The following IGSF21 variants were observed in gnomAD, a reference collection of about 807,000 sequenced individuals.
The protein encoded by IGSF21 is immunoglobulin superfamily member 21.
IGSF21 carries 28 observed loss-of-function variants against 46.8 expected under a neutral mutation model. The ratio of observed to expected loss-of-function variants is 0.60; its 90% confidence interval spans 0.44 to 0.82. IGSF21 has a LOEUF of 0.82. Ranked by LOEUF, IGSF21 falls within the 40% of genes least tolerant of loss-of-function variation. The pLI, the probability that IGSF21 is intolerant of heterozygous loss-of-function variation, is 0.00. For synonymous variants in IGSF21, 284 were observed against 273.6 expected, an observed-to-expected ratio of 1.04 and a Z score of -0.38; for missense variants, 624 against 665.5, an observed-to-expected ratio of 0.94 and a Z score of 0.69.
intron 3 of IGSF21, among the ~76,000 whole-genome samples, chr1:18,315,454 T>C (rs1351452138): frequency 6.6e-6 from 1 of 152,240 alleles, no homozygotes; most frequent in Non-Finnish European, 1.5e-5. Flanking sequence ...CATGCTCATC[T>C]TGCTCACTGT....
chr1:18,231,531 A>G lies in IGSF21; in HGVS notation c.183+3521A>G, dbSNP rs114838858. Among the ~76,000 whole-genome samples, 618 of 152,330 alleles carry G rather than the reference A, an allele frequency of 4.1e-3. 2 individuals are homozygous for G. Among genetic ancestry groups the G allele is most frequent in the African/African-American group, 0.014 (565 of 41,570 alleles). On this transcript the variant is annotated intron_variant, in intron 2 of 9. Transcript: ENST00000251296. ...AAAACTATGAGAATAGACTCAAGGAAGTATGTGTAATCATAGCCCCTTGGT... is the reference window on the plus strand; with the variant it reads ...AAAACTATGAGAATAGACTCAAGGAGGTATGTGTAATCATAGCCCCTTGGT...
At chr1:18,166,330 G>C (rs1570288082) in intron 1 of IGSF21, among the ~76,000 whole-genome samples, 3 of 152,194 alleles carry the variant, frequency 2.0e-5, no homozygotes, top group East Asian at 1.9e-4. Flanking sequence ...TCTTTGCCTG[G>C]TTTCCCCTAA....
chr1:18,139,856 G>C (rs898222126), intron 1 of IGSF21, among the ~76,000 whole-genome samples: 5 of 152,240 alleles, frequency 3.3e-5, no homozygotes, highest in Non-Finnish European at 7.3e-5. Context: ...CAGGCCAGAA[G>C]TGCAGAGAGC....
At chr1:18,284,257 G>C (rs1414123107) in intron 2 of IGSF21, among the ~76,000 whole-genome samples, 2 of 152,296 alleles carry the variant, frequency 1.3e-5, no homozygotes, top group East Asian at 3.9e-4. Flanking sequence ...GAGTGGGTGG[G>C]ATGGCGGCAG....
intron 1 of IGSF21, among the ~76,000 whole-genome samples, chr1:18,161,974 T>C (rs575032214): frequency 6.6e-6 from 1 of 152,318 alleles, no homozygotes; most frequent in East Asian, 1.9e-4. Context: ...AGCAAACTTC[T>C]TAATATACAG....
At chr1:18,304,447 C>T (rs2085391679) in intron 3 of IGSF21, among the ~76,000 whole-genome samples, 1 of 152,200 alleles carries the variant, frequency 6.6e-6, no homozygotes, top group Non-Finnish European at 1.5e-5. Context: ...TCAGACATCA[C>T]CCAGGCCAAT....
intron 2 of IGSF21, among the ~76,000 whole-genome samples, chr1:18,283,515 G>A (rs1328680444): frequency 6.6e-6 from 1 of 152,144 alleles, no homozygotes; most frequent in Non-Finnish European, 1.5e-5. Flanking sequence ...GAGAACAGGT[G>A]GGCAGGGAGG....
At chr1:18,151,856 A>G (rs1326013924) in intron 1 of IGSF21, among the ~76,000 whole-genome samples, 2 of 152,192 alleles carry the variant, frequency 1.3e-5, no homozygotes, top group Non-Finnish European at 2.9e-5. Flanking sequence ...GGGTGACCGT[A>G]TAATTCATCT....
At chr1:18,359,663 A>G (rs1457534054) in intron 4 of IGSF21, among the ~76,000 whole-genome samples, 2 of 152,168 alleles carry the variant, frequency 1.3e-5, no homozygotes, top group African/African-American at 2.4e-5. Context: ...ATACCTATTC[A>G]CCTGCCATCA....
intron 3 of IGSF21, among the ~76,000 whole-genome samples, chr1:18,307,877 G>A (rs1260806792): frequency 1.3e-5 from 2 of 152,178 alleles, no homozygotes; most frequent in Admixed American, 1.3e-4. Context: ...AAGTAAAGGA[G>A]GGCTCGACCC....
At chr1:18,278,037 A>T (rs1000716510) in intron 2 of IGSF21, among the ~76,000 whole-genome samples, 1 of 152,130 alleles carries the variant, frequency 6.6e-6, no homozygotes, top group Admixed American at 6.5e-5. Context: ...ACCTCAAAAG[A>T]AAAGGAATTG....
chr1:18,239,080 ACTG>A lies in IGSF21; in HGVS notation c.183+11071_183+11073del, dbSNP rs1215922818. On this transcript the variant is annotated intron_variant, in intron 2 of 9. Coordinates refer to ENST00000251296, the MANE Select transcript of IGSF21 (RefSeq NM_032880.5). ...GGTGAGAGTCCTGGCCTGAGCTACT[ACTG>A]TTGGGGCCTCCGAGCACATGGAATC... Among the ~76,000 whole-genome samples the A allele has an allele frequency of 3.1e-5, 4 of 129,992 alleles. No homozygotes were observed. In the East Asian group the frequency reaches 9.4e-4, roughly 31 times the overall value. The allele number at this position is 129,992 out of a possible 152,430, so 85.3% of individuals were successfully genotyped here.
intron 1 of IGSF21, among the ~76,000 whole-genome samples, chr1:18,173,222 A>G (rs912022774): frequency 2.6e-5 from 4 of 152,200 alleles, no homozygotes; most frequent in African/African-American, 9.6e-5. Flanking sequence ...CGGGAGGCGG[A>G]GCTTGCAGTG....
intron 4 of IGSF21, among the ~76,000 whole-genome samples, chr1:18,360,799 G>C (rs1157690288): frequency 6.6e-6 from 1 of 152,178 alleles, no homozygotes; most frequent in Non-Finnish European, 1.5e-5. Flanking sequence ...GCATTAGCTA[G>C]TTTTGTCCTG....
At chr1:18,363,686 T>C (rs1238870612) in intron 5 of IGSF21, among the ~76,000 whole-genome samples, 3 of 147,446 alleles carry the variant, frequency 2.0e-5, no homozygotes, top group Non-Finnish European at 4.5e-5. Context: ...GAAGCACAGG[T>C]GGGGCAGTGG....
At chr1:18,294,524 C>A (rs1029061579) in intron 3 of IGSF21, among the ~76,000 whole-genome samples, 5 of 152,226 alleles carry the variant, frequency 3.3e-5, no homozygotes, top group Non-Finnish European at 7.3e-5. Flanking sequence ...AACAGTCTCC[C>A]TCTGGAATGA....
At chr1:18,161,551 A>C (rs1358039797) in intron 1 of IGSF21, among the ~76,000 whole-genome samples, 1 of 152,176 alleles carries the variant, frequency 6.6e-6, no homozygotes, top group Non-Finnish European at 1.5e-5. Context: ...CTCACATTGC[A>C]AGCGCCCATT....
intron 4 of IGSF21, among the ~76,000 whole-genome samples, chr1:18,355,364 G>A (rs181920343): frequency 3.1e-4 from 47 of 152,320 alleles, no homozygotes; most frequent in African/African-American, 9.1e-4. Context: ...TCAAGATAAA[G>A]ACAGGCAATA....
chr1:18,215,510 G>A (rs2124494883), intron 1 of IGSF21, among the ~76,000 whole-genome samples: 1 of 152,314 alleles, frequency 6.6e-6, no homozygotes. Context: ...GTGTACATCA[G>A]GAGTGGTCTT....
Sources: gnomAD v4.1 joint callset for allele counts (sites outside exome capture counted in the v4.1 genomes callset) on GRCh38, gnomAD v4.1.1 for gene constraint, MANE v1.5 for transcripts, NCBI Gene and HGNC (gene_info 2026-07-23, HGNC 2026-07-21) for gene names.